Variants in ADAM33 observed in about 807,000 individuals in gnomAD.
ADAM33 encodes ADAM metallopeptidase domain 33.
ADAM33 carries 103 observed loss-of-function variants against 106.2 expected under a neutral mutation model. The ratio of observed to expected loss-of-function variants is 0.97; its 90% CI spans 0.83 to 1.14. ADAM33 has a LOEUF of 1.14. Among genes scored for constraint, ADAM33 ranks in the 50% most tolerant of loss-of-function variants. The pLI, the probability that ADAM33 is intolerant of heterozygous loss-of-function variation, is 0.00. For synonymous variants in ADAM33, 483 were observed against 453.0 expected (o/e 1.07, Z -0.84); for missense variants, 1,120 against 1,096.6 (o/e 1.02, Z -0.30).
chr20:3,679,294 C>T (rs1035829584), intron 2 of ADAM33, among the ~76,000 whole-genome samples, 198 bp downstream of exon 2: 4 of 151,682 alleles, frequency 2.6e-5, no homozygotes, highest in Admixed American at 6.6e-5. Context: ...TCCATGTGTG[C>T]GGGCTCACGA....
At chr20:3,678,125 G>A (rs920429432) in intron 2 of ADAM33, among the ~76,000 whole-genome samples, 1 of 152,246 alleles carries the variant, frequency 6.6e-6, no homozygotes, top group Non-Finnish European at 1.5e-5. Flanking sequence ...AATGCCACTT[G>A]CTTTATTGGG....
intron 20 of ADAM33, 80 bp downstream of exon 20, chr20:3,669,466 T>C: frequency 6.5e-7 from 1 of 1,544,766 alleles, no homozygotes; most frequent in East Asian, 2.3e-5. Flanking sequence ...GACTGGGTGC[T>C]GCCCATCTGG....
intron 3 of ADAM33, 74 bp downstream of exon 3, chr20:3,676,993 G>T: frequency 1.3e-6 from 2 of 1,509,426 alleles, no homozygotes; most frequent in East Asian, 2.4e-5. Flanking sequence ...CCAGCCACCC[G>T]CACAGATCTG....
rs771583222 is a variant in ADAM33, at chr20:3,674,057, C to T, written c.738+7G>A. On this transcript the variant is annotated splice_region_variant and intron_variant, in intron 8 of 21. Transcript: ENST00000356518. The stretch of plus-strand genomic sequence containing the variant: ...CCCATCACCGCTCTCTCCCCGCCGC[C>T]CCCAACCTGGTCCACGTAGTTGGCG... 3 of 1,614,124 alleles carry T rather than the reference C, an allele frequency of 1.9e-6. No homozygotes were observed. Among genetic ancestry groups the T allele is most frequent in the Non-Finnish European group, 2.5e-6 (3 of 1,180,020 alleles).
chr20:3,669,685 T>G (rs1294889410), intron 19 of ADAM33, 48 bp from the exon 20 acceptor site: 1 of 1,522,700 alleles, frequency 6.6e-7, no homozygotes, highest in East Asian at 2.3e-5. Flanking sequence ...TGATCCTGAG[T>G]GGGTTATTGC....
In ADAM33 at chr20:3,672,159, C is replaced by CT; in HGVS notation, c.1571dup (p.Gln525AlafsTer110). 6.2e-7 allele frequency: 1 copy of CT among 1,612,454 alleles called. No individual in the cohort carries two copies. The highest frequency in any genetic ancestry group is 1.7e-5 in the Admixed American group (1 of 59,978). ...CAGGCCCCCAGAGCTGCTGGCACTG[C>CT]TGCTCCAGCGTGGGACATGCGCCAT... is the stretch of plus-strand genomic sequence containing the variant. On this transcript the variant is annotated frameshift_variant, in exon 14 of 22. Transcript: ENST00000356518. LOFTEE classifies it high-confidence loss of function.
chr20:3,681,506 T>G (rs1303075225), intron 1 of ADAM33, among the ~76,000 whole-genome samples: 1 of 152,070 alleles, frequency 6.6e-6, no homozygotes, highest in Non-Finnish European at 1.5e-5. Context: ...GGAGCCCCGC[T>G]GAGTCCTAAG....
chr20:3,673,957 G>T, intron 8 of ADAM33, 46 bp from the exon 9 acceptor site: 1 of 1,583,780 alleles, frequency 6.3e-7, no homozygotes, highest in Non-Finnish European at 8.6e-7. Context: ...GCCCCATCGC[G>T]CCGGTGGTCC....
chr20:3,669,986 C>A, intron 19 of ADAM33: 1 of 457,034 alleles, frequency 2.2e-6, no homozygotes, highest in East Asian at 4.4e-5. Context: ...GCTCTCCTTG[C>A]CCCTGGGTGC....
At position 3,677,294 on chromosome 20, in the gene ADAM33, C is replaced by T. The variant is rs905438768; in HGVS notation, c.178-151G>A. 11 of 600,160 alleles carry T rather than the reference C, an allele frequency of 1.8e-5. 1 individual carries two copies. The highest frequency in any genetic ancestry group is 8.9e-4 in the Middle Eastern group (2 of 2,256). 37.2% of individuals were successfully genotyped at this position (600,160 alleles called of 1,614,324 possible). On this transcript the variant is annotated intron_variant, in intron 2 of 21. Coordinates refer to ENST00000356518, the MANE Select transcript of ADAM33 (RefSeq NM_025220.5). ...AGGACCCCCCACATACTATGGAGGG[C>T]GTGGAGGAGGTGAGAACATACAAAG...
In ADAM33 at chr20:3,671,114, A is replaced by G. The variant is rs2087503875; in HGVS notation, c.2132T>C (p.Leu711Pro). ...TFLLAMLLSV[L>P]LPLLPGAGLA... Reference sequence around the variant, plus strand: ...GCCGGCCCCTGGGAGCAGAGGCAGCAGGACGCTGAGGAGCATGGCCAGCAG... The same window carrying G: ...GCCGGCCCCTGGGAGCAGAGGCAGCGGGACGCTGAGGAGCATGGCCAGCAG... Residue 711 changes from leucine (L) to proline (P), a missense_variant, in exon 19 of 22, where the codon CTG (leucine) becomes CCG (proline). Transcript: ENST00000356518. The G allele has an allele frequency of 1.9e-6, 3 of 1,605,792 alleles. No individual in the cohort carries two copies. The highest frequency in any genetic ancestry group is 2.6e-6 in the Non-Finnish European group (3 of 1,176,386).
Position 3,677,206 on chromosome 20 carries a change from A to G in ADAM33, c.178-63T>C, listed in dbSNP as rs963423732. 9.0e-6 allele frequency: 13 copies of G among 1,444,512 alleles called. No homozygotes were observed. The African/African-American group carries it at 1.9e-4, about 21-fold the overall frequency. 89.5% of individuals were successfully genotyped at this position (1,444,512 alleles called of 1,614,324 possible). ...CCAGGCCTCCTGCCTGCCAGGGAGT[A>G]GGTGGCCTGTGGAGCCGGCTGGGGA... On this transcript the variant is annotated intron_variant, in intron 2 of 21. Coordinates refer to ENST00000356518, the MANE Select transcript of ADAM33 (RefSeq NM_025220.5).
intron 1 of ADAM33, 29 bp from the exon 2 acceptor site, chr20:3,679,600 G>T: frequency 1.3e-6 from 2 of 1,580,288 alleles, no homozygotes; most frequent in Non-Finnish European, 1.7e-6. Context: ...ACAGGGTGAG[G>T]GGGACCTGAG....
rs1215466551 is a variant in ADAM33, at chr20:3,671,975, TG to T, written c.1607del (p.Pro536GlnfsTer10). 1.3e-6 allele frequency: 2 copies of T among 1,555,386 alleles called. No homozygotes were observed. The highest frequency in any genetic ancestry group is 4.8e-5 in the East Asian group (2 of 41,402). ...CQQLWGPGSHPAPEACFQVVN... is the reference protein window; with the variant it reads ...CQQLWGPGSHXAPEACFQVVN... Reference sequence around the variant, plus strand: ...CCACCTGGAAACAGGCCTCGGGAGCTGGGTGGGAGCCTGAGGAAGCATGGGC... The same window carrying T: ...CCACCTGGAAACAGGCCTCGGGAGCTGGTGGGAGCCTGAGGAAGCATGGGC... On this transcript the variant is annotated frameshift_variant, in exon 15 of 22. Coordinates refer to ENST00000356518, the MANE Select transcript of ADAM33 (RefSeq NM_025220.5). LOFTEE classifies it high-confidence loss of function.
chr20:3,674,006 C>T (rs532672127), intron 8 of ADAM33, 58 bp downstream of exon 8: 1 of 1,611,546 alleles, frequency 6.2e-7, no homozygotes, highest in East Asian at 2.2e-5. Flanking sequence ...ACCCCACCAG[C>T]ACCTGCCTGT....
chr20:3,672,911 G>A lies in ADAM33; in HGVS notation c.1134-13C>T. The A allele has an allele frequency of 6.4e-7, 1 of 1,552,686 alleles. No homozygotes were observed. Among genetic ancestry groups the A allele is most frequent in the Non-Finnish European group, 8.6e-7 (1 of 1,159,146 alleles). ...CGGAAACGGGTGCCTACCGGCACGG[G>A]GAGGGCATTGGGCATGGAGGGACAG... is the stretch of plus-strand genomic sequence containing the variant. On this transcript the variant is annotated splice_polypyrimidine_tract_variant and intron_variant, in intron 11 of 21. Transcript: ENST00000356518.
Position 3,673,412 on chromosome 20 carries a change from C to A in ADAM33, c.1075G>T (p.Gly359Cys). The part of the protein sequence containing the change: ...HSLGLSHDPD[G>C]CCVEAAAESG... ...TCGGCCGCAGCCTCCACGCAGCAGCCGTCGGGGTCGTGGCTGAGGCCGAGG... is the reference window on the plus strand; with the variant it reads ...TCGGCCGCAGCCTCCACGCAGCAGCAGTCGGGGTCGTGGCTGAGGCCGAGG... Residue 359 changes from glycine (G) to cysteine (C), a missense_variant, in exon 11 of 22, where the codon GGC becomes TGC. Physicochemically the swap from Gly to Cys is radical, Grantham distance 159 (BLOSUM62 -3). Transcript: ENST00000356518. The A allele has an allele frequency of 6.4e-7, 1 of 1,560,886 alleles. No homozygotes were observed. Among genetic ancestry groups the A allele is most frequent in the African/African-American group, 1.3e-5 (1 of 74,100 alleles).
chr20:3,677,449 C>T (rs528431382), intron 2 of ADAM33, among the ~76,000 whole-genome samples: 65 of 152,276 alleles, frequency 4.3e-4, no homozygotes, highest in South Asian at 1.0e-3. Flanking sequence ...TCCCCTGGCC[C>T]GCCCTCTTCT....
At chr20:3,680,135 A>T (rs1277323851) in intron 1 of ADAM33, among the ~76,000 whole-genome samples, 1 of 151,900 alleles carries the variant, frequency 6.6e-6, no homozygotes, top group African/African-American at 2.4e-5. Context: ...AGGGGAGGGG[A>T]CGCTTCTGGA....
Sources: allele counts gnomAD v4.1 joint callset (sites outside exome capture counted in the v4.1 genomes callset), GRCh38; gene constraint gnomAD v4.1.1; transcripts MANE v1.5; gene names NCBI Gene and HGNC (gene_info 2026-07-23, HGNC 2026-07-21).